SGCG: variants seen among roughly 807,000 people sequenced by gnomAD.
SGCG encodes the protein gamma-sarcoglycan.
In SGCG, 26 loss-of-function variants were observed where a neutral mutation model predicts 29.3. The ratio of observed to expected loss-of-function variants is 0.89; its 90% CI spans 0.65 to 1.23. The LOEUF (loss-of-function observed/expected upper bound fraction) is 1.23, where lower values mean the gene tolerates loss of function less well. Ranked by LOEUF, SGCG falls within the 50% of genes most tolerant of loss-of-function variation. SGCG has a pLI of 0.00. For missense variants in SGCG, 353 were observed against 356.0 expected, an observed-to-expected ratio of 0.99 and a Z score of 0.07; for synonymous variants, 145 against 129.7, an observed-to-expected ratio of 1.12 and a Z score of -0.80.
intron 3 of SGCG, among the ~76,000 whole-genome samples, chr13:23,242,273 T>A (rs780811773): frequency 1.2e-3 from 186 of 151,576 alleles, no homozygotes; most frequent in Non-Finnish European, 2.2e-3. Flanking sequence ...AGTAGTTAAT[T>A]ATGTATATAA....
At chr13:23,183,918 G>A (rs1256815922) in intron 1 of SGCG, among the ~76,000 whole-genome samples, 4 of 151,650 alleles carry the variant, frequency 2.6e-5, no homozygotes, top group Admixed American at 6.6e-5. Flanking sequence ...CACCCGCCTC[G>A]GCCTCCCAAA....
At chr13:23,241,464 G>A (rs940987971) in intron 3 of SGCG, among the ~76,000 whole-genome samples, 5 of 151,984 alleles carry the variant, frequency 3.3e-5, no homozygotes, top group East Asian at 1.9e-4. Context: ...TAACAACATC[G>A]AATTAGTAAT....
chr13:23,322,980 T>A (rs2137532264), intron 7 of SGCG, among the ~76,000 whole-genome samples: 1 of 152,246 alleles, frequency 6.6e-6, no homozygotes, highest in East Asian at 1.9e-4. Flanking sequence ...TTTGAGACAC[T>A]ACTGTAGGAA....
intron 4 of SGCG, among the ~76,000 whole-genome samples, chr13:23,278,620 G>A (rs777425916): frequency 6.6e-5 from 10 of 152,168 alleles, no homozygotes; most frequent in African/African-American, 1.2e-4. Context: ...CCTGAGGTGC[G>A]TGTGTAGCTG....
the SGCG span, among the ~76,000 whole-genome samples, chr13:23,162,055 T>TA: frequency 1.3e-4 from 20 of 152,252 alleles, no homozygotes; most frequent in African/African-American, 4.8e-4. Flanking sequence ...TAACAGACTA[T>TA]AAAATCAATA....
At chr13:23,181,789 AT>A (rs1213140363) in intron 1 of SGCG, among the ~76,000 whole-genome samples, 1 of 151,800 alleles carries the variant, frequency 6.6e-6, no homozygotes, top group Non-Finnish European at 1.5e-5. Context: ...AGCAAACACA[AT>A]TTTTTTAAAG....
At position 23,203,702 on chromosome 13, in the gene SGCG, G is replaced by A. The variant is rs35105771; in HGVS notation, c.8G>A (p.Arg3His). Residue 3 changes from arginine to histidine, a missense_variant, in exon 2 of 8, where the codon CGT (arginine) becomes CAT (histidine). Coordinates refer to ENST00000218867, the MANE Select transcript of SGCG (RefSeq NM_000231.3). Reference protein sequence around the residue: MVREQYTTATEGI... With the variant: MVHEQYTTATEGI... ...GAACACACTCCGTGGCAGATGGTGC[G>A]TGAGCAGTACACTACAGCCACAGAA... 105 of 1,611,892 alleles carry A rather than the reference G, an allele frequency of 6.5e-5. 1 individual carries two copies. The African/African-American group carries it at 8.8e-4, about 14-fold the overall frequency.
At chr13:23,197,271 C>T (rs757092329) in intron 1 of SGCG, among the ~76,000 whole-genome samples, 6 of 152,160 alleles carry the variant, frequency 3.9e-5, no homozygotes, top group Non-Finnish European at 7.3e-5. Context: ...GTCACCTAGT[C>T]ACATCGTTGT....
upstream of SGCG, among the ~76,000 whole-genome samples, chr13:23,179,542 C>T (rs539235446): frequency 6.6e-6 from 1 of 152,264 alleles, no homozygotes; most frequent in East Asian, 1.9e-4. Flanking sequence ...TACACTCATA[C>T]AAAAATACAT....
intron 5 of SGCG, among the ~76,000 whole-genome samples, chr13:23,293,757 G>C (rs1881803386): frequency 6.6e-6 from 1 of 151,892 alleles, no homozygotes; most frequent in Admixed American, 6.6e-5. Context: ...GCTTGAACTG[G>C]GAGGCGGAGA....
At position 23,231,555 on chromosome 13, in the gene SGCG, C is replaced by T. The variant is rs115763542; in HGVS notation, c.196-3056C>T. 9.6e-3 allele frequency among the ~76,000 whole-genome samples: 1,464 copies of T among 152,082 alleles called. 25 individuals are homozygous for T. The highest frequency in any genetic ancestry group is 0.033 in the African/African-American group (1,372 of 41,474). On this transcript the variant is annotated intron_variant, in intron 2 of 7. Transcript: ENST00000218867. ...TTACTTGAACCCAGAAATTTGGCAG[C>T]AAATTTTTGGAACAGAATTTGTAGT...
intron 5 of SGCG, among the ~76,000 whole-genome samples, chr13:23,279,697 T>G (rs1237146316): frequency 6.6e-6 from 1 of 151,972 alleles, no homozygotes; most frequent in Non-Finnish European, 1.5e-5. Flanking sequence ...CCATCACAGT[T>G]TTACCCTTTG....
chr13:23,227,443 G>A (rs1878944713), intron 2 of SGCG, among the ~76,000 whole-genome samples: 1 of 152,094 alleles, frequency 6.6e-6, no homozygotes, highest in South Asian at 2.1e-4. Context: ...CATTTTGACA[G>A]TTCTTGTTCT....
chr13:23,279,323 G>T (rs1353615606), intron 4 of SGCG, 36 bp from the exon 5 acceptor site: 1 of 1,601,026 alleles, frequency 6.2e-7, no homozygotes, highest in Admixed American at 1.7e-5. Flanking sequence ...ACTGCTTGTA[G>T]TGAACAGTTT....
At chr13:23,285,657 GA>G (rs1284760643) in intron 5 of SGCG, among the ~76,000 whole-genome samples, 2 of 151,998 alleles carry the variant, frequency 1.3e-5, no homozygotes, top group Admixed American at 6.6e-5. Context: ...ACTGTGGTAT[GA>G]AAAAAAACTC....
At chr13:23,323,388 C>G (rs753393498) in intron 7 of SGCG, among the ~76,000 whole-genome samples, 1 of 152,190 alleles carries the variant, frequency 6.6e-6, no homozygotes, top group African/African-American at 2.4e-5. Context: ...AGGTGCACAC[C>G]GGCGAATGCG....
At chr13:23,185,085 T>C (rs1876916680) in intron 1 of SGCG, among the ~76,000 whole-genome samples, 1 of 152,242 alleles carries the variant, frequency 6.6e-6, no homozygotes, top group South Asian at 2.1e-4. Flanking sequence ...GTGATAATTT[T>C]TGTTATCAGC....
At chr13:23,306,237 A>G (rs1271868242) in intron 6 of SGCG, among the ~76,000 whole-genome samples, 2 of 152,102 alleles carry the variant, frequency 1.3e-5, no homozygotes, top group Non-Finnish European at 2.9e-5. Flanking sequence ...CTCATTTTCA[A>G]TGTTCTGGAA....
At chr13:23,182,810 C>T (rs1035906513) in intron 1 of SGCG, among the ~76,000 whole-genome samples, 2 of 152,156 alleles carry the variant, frequency 1.3e-5, no homozygotes, top group Non-Finnish European at 1.5e-5. Flanking sequence ...TGCCCAAAGG[C>T]GTTTGTGCTT....
Sources: gnomAD v4.1 joint callset for allele counts (sites outside exome capture counted in the v4.1 genomes callset) on GRCh38, gnomAD v4.1.1 for gene constraint, MANE v1.5 for transcripts, NCBI Gene and HGNC (gene_info 2026-07-23, HGNC 2026-07-21) for gene names.